SFMBT2: variants seen among roughly 807,000 people sequenced by gnomAD.
SFMBT2 encodes Scm like with four mbt domains 2.
Under a neutral mutation model 110.1 loss-of-function variants are expected in SFMBT2, and 38 were observed. That is an observed-to-expected ratio of 0.35 (90% CI 0.27 to 0.45). The LOEUF is 0.45. Among genes scored for constraint, SFMBT2 ranks in the 20% least tolerant of loss-of-function variants. The pLI, the probability that SFMBT2 is intolerant of heterozygous loss-of-function variation, is 1.00. For missense variants in SFMBT2, 1,011 were observed against 1,094.9 expected, an observed-to-expected ratio of 0.92 and a Z score of 1.08; for synonymous variants, 425 against 425.4, an observed-to-expected ratio of 1.00 and a Z score of 0.01.
At chr10:7,319,826 GAGACAGAGAGGA>G (rs1432917924) in intron 4 of SFMBT2, among the ~76,000 whole-genome samples, 3 of 151,320 alleles carry the variant, frequency 2.0e-5, no homozygotes, top group Non-Finnish European at 2.9e-5. Context: ...GAGACAGAGA[GAGACAGAGAGGA>G]AGACAGAGAG....
rs1021558319 is a variant in SFMBT2, at chr10:7,172,808, G to A, written c.1985-147C>T. ...GTCATTCTGAGAAAACAGACCCACA[G>A]GAGAAGCACTGCTCCAAAGCTTCAG... On this transcript the variant is annotated intron_variant, in intron 17 of 20. Coordinates refer to ENST00000397167, the MANE Select transcript of SFMBT2 (RefSeq NM_001387889.1). This position sits in a 1 kb window ranked among gnomAD's most constrained non-coding sequence, Gnocchi z 4.6. 2.1e-5 allele frequency: 22 copies of A among 1,026,400 alleles called. No individual in the cohort carries two copies. In the African/African-American group the frequency reaches 2.6e-4, roughly 12 times the overall value. The allele number at this position is 1,026,400 out of a possible 1,614,324, so 63.6% of individuals were successfully genotyped here.
At chr10:7,234,421 T>C (rs1253574719) in intron 9 of SFMBT2, among the ~76,000 whole-genome samples, 1 of 152,230 alleles carries the variant, frequency 6.6e-6, no homozygotes, top group African/African-American at 2.4e-5. Flanking sequence ...GACACAGGTA[T>C]GTGCCCAGGA....
rs1837884141 is a variant in SFMBT2 at position 7,171,960 on chromosome 10, C to T, written c.2350G>A (p.Ala784Thr). ...PPERTRRGRG[A>T]PAASSAEEGE... ...TCCTCTGCTGAGGAGGCAGCCGGCG[C>T]CCCGCGGCCCCTTCGTGTCCTCTCT... The change falls in exon 19 of 21, where the codon GCG (alanine) becomes ACG (threonine). Residue 784 changes from alanine to threonine, a missense_variant. By Grantham distance (58) the Ala-to-Thr change is moderately conservative. This residue lies in a region of SFMBT2 where 979 missense variants were observed against 1,016.1 expected (regional missense o/e 0.96). Transcript: ENST00000397167. This position sits in a 1 kb window ranked among gnomAD's most constrained non-coding sequence, Gnocchi z 4.9. 1.3e-6 allele frequency: 2 copies of T among 1,484,986 alleles called. No homozygotes were observed. Among genetic ancestry groups the T allele is most frequent in the Non-Finnish European group, 1.8e-6 (2 of 1,120,852 alleles). 92.0% of individuals were successfully genotyped at this position (1,484,986 alleles called of 1,614,324 possible). A position where few individuals can be genotyped will look rare whatever the true frequency, so the allele number is the denominator to read the frequency against.
At chr10:7,267,856 T>A (rs1841445722) in intron 7 of SFMBT2, among the ~76,000 whole-genome samples, 3 of 152,234 alleles carry the variant, frequency 2.0e-5, no homozygotes, top group Non-Finnish European at 4.4e-5. Context: ...CCTTCCTTGC[T>A]GTGACAAGGT....
At chr10:7,240,865 C>T (rs774671194) in intron 9 of SFMBT2, among the ~76,000 whole-genome samples, 29 of 152,098 alleles carry the variant, frequency 1.9e-4, no homozygotes, top group Admixed American at 1.3e-3. Flanking sequence ...TACTGGTTTA[C>T]GAGTAAAAAT....
intron 4 of SFMBT2, among the ~76,000 whole-genome samples, chr10:7,362,566 G>C (rs1056701466): frequency 6.6e-6 from 1 of 152,198 alleles, no homozygotes; most frequent in African/African-American, 2.4e-5. Context: ...CTGGAGCTCT[G>C]CAACCTCCAT....
At chr10:7,391,834 T>C (rs1845773884) in intron 1 of SFMBT2, among the ~76,000 whole-genome samples, 1 of 152,244 alleles carries the variant, frequency 6.6e-6, no homozygotes, top group African/African-American at 2.4e-5. Context: ...AATCCATTTT[T>C]TCATTTTGCA....
intron 4 of SFMBT2, among the ~76,000 whole-genome samples, chr10:7,344,404 T>C (rs1287127099): frequency 1.3e-5 from 2 of 152,206 alleles, no homozygotes; most frequent in Non-Finnish European, 2.9e-5. Flanking sequence ...GATGGTTTTA[T>C]AAAGGGAAGT....
rs2132081584 is a variant in SFMBT2, at chr10:7,381,446, G to T, written c.100+353C>A. ...TTGTCTCTTGCGAGCCAGAGCAGATGACTGCTGGTCCGAGACCTCCAACCC... is the reference window on the plus strand; with the variant it reads ...TTGTCTCTTGCGAGCCAGAGCAGATTACTGCTGGTCCGAGACCTCCAACCC... On this transcript the variant is annotated intron_variant, in intron 2 of 20. Coordinates refer to ENST00000397167, the MANE Select transcript of SFMBT2 (RefSeq NM_001387889.1). Among the ~76,000 whole-genome samples the T allele has an allele frequency of 2.0e-5, 3 of 152,258 alleles. 1 individual carries two copies. Among genetic ancestry groups the T allele is most frequent in the Middle Eastern group, 3.4e-3 (1 of 294 alleles).
At chr10:7,384,277 G>C (rs986133232) in intron 1 of SFMBT2, among the ~76,000 whole-genome samples, 2 of 131,966 alleles carry the variant, frequency 1.5e-5, no homozygotes, top group Non-Finnish European at 3.1e-5. Context: ...TCCCTGAAGA[G>C]AAATGGACAT....
intron 4 of SFMBT2, among the ~76,000 whole-genome samples, chr10:7,315,080 G>GA (rs1177083084): frequency 1.4e-5 from 2 of 144,952 alleles, no homozygotes; most frequent in Admixed American, 6.8e-5. Context: ...AAGAAAGAAA[G>GA]AAAGAAAGAA....
chr10:7,172,141 G>A lies in SFMBT2; in HGVS notation c.2169C>T (p.Asp723=), dbSNP rs149003494. 2.9e-5 allele frequency: 46 copies of A among 1,561,038 alleles called. No homozygotes were observed. In the Middle Eastern group the frequency reaches 1.0e-3, roughly 35 times the overall value. ...AGSGEESEEE[D]ADAMDDDTAS... ...CGGTGTCATCGTCCATGGCGTCAGCGTCCTCCTCTTCACTTTCCTGGGAAG... is the reference window on the plus strand; with the variant it reads ...CGGTGTCATCGTCCATGGCGTCAGCATCCTCCTCTTCACTTTCCTGGGAAG... The change falls in exon 19 of 21, where the codon GAC becomes GAT. Residue 723 remains aspartate, a synonymous_variant. Coordinates refer to ENST00000397167, the MANE Select transcript of SFMBT2 (RefSeq NM_001387889.1). The surrounding 1 kb of genome is among the most constrained non-coding windows in gnomAD (Gnocchi z 4.6).
chr10:7,372,517 C>G (rs1845090960), intron 2 of SFMBT2, among the ~76,000 whole-genome samples: 1 of 152,234 alleles, frequency 6.6e-6, no homozygotes, highest in African/African-American at 2.4e-5. Context: ...GCCCTTCAAA[C>G]AGAAATGCAC....
intron 1 of SFMBT2, among the ~76,000 whole-genome samples, chr10:7,404,480 C>T (rs1296621223): frequency 2.6e-5 from 4 of 152,182 alleles, no homozygotes; most frequent in African/African-American, 7.2e-5. Flanking sequence ...TGAAAACCTG[C>T]CGCTTCTCCC....
intron 1 of SFMBT2, among the ~76,000 whole-genome samples, chr10:7,394,692 T>C (rs917092883): frequency 6.6e-6 from 1 of 152,106 alleles, no homozygotes; most frequent in Non-Finnish European, 1.5e-5. Context: ...CAAATCCAAA[T>C]TTTTCATAAA....
chr10:7,381,106 TACATACA>T (rs1326548423), intron 2 of SFMBT2, among the ~76,000 whole-genome samples: 3 of 151,804 alleles, frequency 2.0e-5, no homozygotes, highest in African/African-American at 7.3e-5. Flanking sequence ...CATACATACA[TACATACA>T]TACATTTGAA....
At chr10:7,218,685 C>A (rs1288774720) in intron 11 of SFMBT2, among the ~76,000 whole-genome samples, 1 of 152,094 alleles carries the variant, frequency 6.6e-6, no homozygotes, top group Non-Finnish European at 1.5e-5. Context: ...GCTAGAAAAT[C>A]AAAAATCTGT....
At chr10:7,244,433 A>G (rs540846622) in intron 8 of SFMBT2, among the ~76,000 whole-genome samples, 2 of 152,364 alleles carry the variant, frequency 1.3e-5, no homozygotes, top group African/African-American at 4.8e-5. Flanking sequence ...GCCATAGAGC[A>G]TAAGTTATTA....
intron 16 of SFMBT2, 97 bp downstream of exon 16, chr10:7,188,527 T>C (rs1838496571): frequency 2.2e-6 from 2 of 903,394 alleles, no homozygotes; most frequent in Non-Finnish European, 1.7e-6. Flanking sequence ...GTTTGTTCCA[T>C]TTCTCAGGGC....
Sources: allele counts gnomAD v4.1 joint callset (sites outside exome capture counted in the v4.1 genomes callset), GRCh38; gene constraint gnomAD v4.1.1; regional missense constraint gnomAD v4.1.1; non-coding constraint Gnocchi (gnomAD v3.1); transcripts MANE v1.5; gene names NCBI Gene and HGNC (gene_info 2026-07-23, HGNC 2026-07-21).